The following DHRSX variants were observed in gnomAD, a reference collection of about 807,000 sequenced individuals.
The protein encoded by DHRSX is polyprenol dehydrogenase.
A neutral mutation model predicts 34.0 loss-of-function variants in DHRSX; 31 were observed. That is an observed-to-expected ratio of 0.91 (90% CI 0.69 to 1.23). The LOEUF (loss-of-function observed/expected upper bound fraction) is 1.23, where lower values mean the gene tolerates loss of function less well. DHRSX is among the 50% of genes most tolerant of loss of function. The pLI is 0.00. For synonymous variants in DHRSX, 201 were observed against 183.8 expected (o/e 1.09, Z -0.76); for missense variants, 414 against 428.1 (o/e 0.97, Z 0.29).
At chrX:2,359,842 C>T (rs182010379) in intron 3 of DHRSX, among the ~76,000 whole-genome samples, 1 of 152,076 alleles carries the variant, frequency 6.6e-6, no homozygotes, top group African/African-American at 2.4e-5. Context: ...CAAATTACTA[C>T]ATGTTCTCAC....
Position 2,425,141 on chromosome X carries a change from A to AG in DHRSX, c.217+55dup, listed in dbSNP as rs926957223. ...GGTTGACGGACTGCGATCCTGTCTCAGAAAAAAAAAAAAACCGAAAAAACA... is the reference window on the plus strand; with the variant it reads ...GGTTGACGGACTGCGATCCTGTCTCAGGAAAAAAAAAAAAACCGAAAAAACA... On this transcript the variant is annotated intron_variant, in intron 2 of 6. Coordinates refer to ENST00000334651, the MANE Select transcript of DHRSX (RefSeq NM_145177.3). 12 of 1,102,804 alleles carry AG rather than the reference A, an allele frequency of 1.1e-5. No individual in the cohort carries two copies. In the Admixed American group the frequency reaches 2.4e-4, roughly 22 times the overall value. 68.3% of individuals were successfully genotyped at this position (1,102,804 alleles called of 1,614,324 possible). A position where few individuals can be genotyped will look rare whatever the true frequency, so the allele number is the denominator to read the frequency against.
At chrX:2,331,136 A>G in intron 3 of DHRSX, among the ~76,000 whole-genome samples, 1 of 152,234 alleles carries the variant, frequency 6.6e-6, no homozygotes, top group Admixed American at 6.5e-5. Flanking sequence ...AATAGTATCT[A>G]TCTCAAGAAA....
intron 3 of DHRSX, among the ~76,000 whole-genome samples, chrX:2,300,698 G>A (rs1407523989): frequency 3.3e-5 from 5 of 152,116 alleles, no homozygotes; most frequent in African/African-American, 1.2e-4. Context: ...TGGCTTCCTT[G>A]CTCCTCAGCT....
intron 6 of DHRSX, among the ~76,000 whole-genome samples, chrX:2,235,865 G>C (rs1278517578): frequency 4.0e-5 from 6 of 149,812 alleles, no homozygotes; most frequent in Non-Finnish European, 3.0e-5. Context: ...TGTCATCCCA[G>C]CACTTTGGGA....
At chrX:2,381,693 C>T (rs1000264606) in intron 3 of DHRSX, among the ~76,000 whole-genome samples, 2 of 150,990 alleles carry the variant, frequency 1.3e-5, no homozygotes, top group Admixed American at 1.3e-4. Flanking sequence ...CCTATTTCCC[C>T]TGAGGGCACG....
At chrX:2,231,175 C>G (rs768374133) in intron 6 of DHRSX, among the ~76,000 whole-genome samples, 15 of 152,252 alleles carry the variant, frequency 9.9e-5, no homozygotes, top group African/African-American at 3.1e-4. Context: ...GTGGCAGCCT[C>G]AGAGCCTATG....
intron 3 of DHRSX, among the ~76,000 whole-genome samples, chrX:2,397,927 C>CAT (rs2043432795): frequency 1.2e-5 from 1 of 83,544 alleles, no homozygotes; most frequent in Admixed American, 1.3e-4. Flanking sequence ...ATCCTCAGAG[C>CAT]GCGCACACAC....
At chrX:2,364,732 TTATC>T (rs984041328) in intron 3 of DHRSX, among the ~76,000 whole-genome samples, 16 of 152,252 alleles carry the variant, frequency 1.1e-4, no homozygotes, top group African/African-American at 2.2e-4. Flanking sequence ...AAGTACATAT[TTATC>T]TATCATTTAT....
chrX:2,495,705 A>G (rs2045267183), intron 1 of DHRSX, among the ~76,000 whole-genome samples: 1 of 151,516 alleles, frequency 6.6e-6, no homozygotes, highest in Non-Finnish European at 1.5e-5. Context: ...GGCCACGAAT[A>G]AAGGTTGCTG....
chrX:2,336,884 G>A (rs2042574749), intron 3 of DHRSX, among the ~76,000 whole-genome samples: 1 of 152,072 alleles, frequency 6.6e-6, no homozygotes, highest in Non-Finnish European at 1.5e-5. Flanking sequence ...TAAGTTGCAA[G>A]ATACATATGC....
At chrX:2,303,314 G>A (rs188653906) in intron 3 of DHRSX, among the ~76,000 whole-genome samples, 5 of 152,288 alleles carry the variant, frequency 3.3e-5, no homozygotes, top group Middle Eastern at 3.4e-3. Flanking sequence ...TGTTGGAGGA[G>A]TGGCCTGGGG....
At chrX:2,331,435 G>GTTTTTTTTTTTTTTTTTTTT (rs2042471374) in intron 3 of DHRSX, among the ~76,000 whole-genome samples, 1 of 57,888 alleles carries the variant, frequency 1.7e-5, no homozygotes, top group Non-Finnish European at 3.6e-5. Flanking sequence ...AAGGTTTTTT[G>GTTTTTTTTTTTTTTTTTTTT]GTTTTTTTTT....
chrX:2,425,386 C>G, intron 1 of DHRSX, 82 bp from the exon 2 acceptor site: 3 of 1,200,174 alleles, frequency 2.5e-6, no homozygotes, highest in Non-Finnish European at 3.7e-6. Context: ...TCCAGAGAGG[C>G]AAGATGCCAA....
Position 2,473,031 on chromosome X carries a change from A to AGT in DHRSX, c.109+27785_109+27786insAC, listed in dbSNP as rs1158685745. Among the ~76,000 whole-genome samples the AGT allele has an allele frequency of 6.8e-4, 104 of 152,030 alleles. 1 individual carries two copies. The highest frequency in any genetic ancestry group is 2.4e-3 in the African/African-American group (101 of 41,432). On this transcript the variant is annotated intron_variant, in intron 1 of 6. Transcript: ENST00000334651. ...GATCAAAGAATGGGTACCACAACTT[A>AGT]CTGTCCACTGCAAAGCTCCATGGCA...
In DHRSX at chrX:2,425,743, G is replaced by A. The variant is rs191309579; in HGVS notation, c.110-439C>T. On this transcript the variant is annotated intron_variant, in intron 1 of 6. Transcript: ENST00000334651. ...GTATGGTGGGGCCAACAGATCAGGA[G>A]ACTGCCGTTAAGCAAGTGGTTTGTT... 2.6e-3 allele frequency among the ~76,000 whole-genome samples: 403 copies of A among 152,288 alleles called. 4 individuals carry two copies. The highest frequency in any genetic ancestry group is 9.3e-3 in the African/African-American group (386 of 41,544).
intron 5 of DHRSX, among the ~76,000 whole-genome samples, chrX:2,248,628 A>AAAAAAAAAAAG (rs1556433590): frequency 1.2e-4 from 12 of 104,284 alleles, no homozygotes; most frequent in African/African-American, 4.5e-4. Context: ...AAAAAAAAAG[A>AAAAAAAAAAAG]AAAAGAAAAG....
At chrX:2,330,154 GGA>G (rs1478847990) in intron 3 of DHRSX, among the ~76,000 whole-genome samples, 10 of 132,626 alleles carry the variant, frequency 7.5e-5, no homozygotes, top group Non-Finnish European at 1.6e-4. Flanking sequence ...GGAGGAGAAA[GGA>G]AGGAGGAGGA....
chrX:2,247,379 G>A (rs964053647), intron 5 of DHRSX, among the ~76,000 whole-genome samples: 3 of 151,966 alleles, frequency 2.0e-5, no homozygotes, highest in Non-Finnish European at 4.4e-5. Context: ...TTAGGGCTGG[G>A]TGCAGTGGCT....
intron 3 of DHRSX, among the ~76,000 whole-genome samples, chrX:2,319,922 G>A (rs1236764394): frequency 5.3e-5 from 8 of 151,338 alleles, no homozygotes; most frequent in South Asian, 2.1e-4. Context: ...TCCACCTCCC[G>A]AATTCAAGCG....
Sources: gnomAD v4.1 joint callset for allele counts (sites outside exome capture counted in the v4.1 genomes callset) on GRCh38, gnomAD v4.1.1 for gene constraint, MANE v1.5 for transcripts, NCBI Gene and HGNC (gene_info 2026-07-23, HGNC 2026-07-21) for gene names.